Variants in JAG1 observed in about 807,000 individuals in gnomAD.
The protein encoded by JAG1 is protein jagged-1.
Under a neutral mutation model 148.7 loss-of-function variants are expected in JAG1, and 23 were observed. The ratio of observed to expected loss-of-function variants is 0.15; its 90% CI spans 0.11 to 0.22. JAG1 has a LOEUF of 0.22. Ranked by LOEUF, JAG1 falls within the 10% of genes least tolerant of loss-of-function variation. The pLI is 1.00. For synonymous variants in JAG1, 572 were observed against 598.3 expected, an observed-to-expected ratio of 0.96 and a Z score of 0.64; for missense variants, 1,054 against 1,611.2, an observed-to-expected ratio of 0.65 and a Z score of 5.92.
rs527749275 is a variant in JAG1, at chr20:10,673,658, G to C, written c.-128C>G. On this transcript the variant is annotated 5_prime_UTR_variant, in exon 1 of 26. Coordinates refer to ENST00000254958, the MANE Select transcript of JAG1 (RefSeq NM_000214.3). The surrounding 1 kb of genome is among the most constrained non-coding windows in gnomAD (Gnocchi z 4.7). The stretch of plus-strand genomic sequence containing the variant: ...CCGGCTCTAATATACTCCGCCGATT[G>C]GAGCATGCACGACTGGAAAACAACA... The C allele has an allele frequency of 6.5e-5, 21 of 325,220 alleles. No homozygotes were observed. The highest frequency in any genetic ancestry group is 4.4e-4 in the African/African-American group (20 of 45,564). 20.1% of individuals were successfully genotyped at this position (325,220 alleles called of 1,614,324 possible).
intron 2 of JAG1, among the ~76,000 whole-genome samples, chr20:10,668,778 C>A (rs1456491562): frequency 6.6e-6 from 1 of 151,998 alleles, no homozygotes; most frequent in Non-Finnish European, 1.5e-5. Context: ...TTGAGCAGCA[C>A]TTAGATTGCT....
Position 10,637,977 on chromosome 20 carries a change from G to C in JAG1, c.*1521C>G, listed in dbSNP as rs546900345. ...CTCAGAAGAGGCCACACTGTTCCAT[G>C]TTTTCATACAAAAAAATTTAATAAA... On this transcript the variant is annotated 3_prime_UTR_variant, in exon 26 of 26. Transcript: ENST00000254958. 2 of 152,608 alleles carry C rather than the reference G, an allele frequency of 1.3e-5. No homozygotes were observed. The highest frequency in any genetic ancestry group is 2.9e-5 in the Non-Finnish European group (2 of 68,036). 9.5% of individuals were successfully genotyped at this position (152,608 alleles called of 1,614,324 possible).
rs542746078 is a variant in JAG1, at chr20:10,645,783, C to T, written c.1999+188G>A. The T allele has an allele frequency of 1.6e-6, 1 of 637,264 alleles. No individual in the cohort carries two copies. The highest frequency in any genetic ancestry group is 2.8e-6 in the Non-Finnish European group (1 of 358,366). The allele number at this position is 637,264 out of a possible 1,614,324, so 39.5% of individuals were successfully genotyped here. A position where few individuals can be genotyped will look rare whatever the true frequency, so the allele number is the denominator to read the frequency against. On this transcript the variant is annotated intron_variant, in intron 15 of 25. Transcript: ENST00000254958. The surrounding 1 kb of genome is among the most constrained non-coding windows in gnomAD (Gnocchi z 6.1). Reference sequence around the variant, plus strand: ...ATTCTATAGGTCCTCAGCAGAAGCTCCTCCCCATAAGCTATCATCAGGACT... The same window carrying T: ...ATTCTATAGGTCCTCAGCAGAAGCTTCTCCCCATAAGCTATCATCAGGACT...
rs1219785546 is a variant in JAG1, at chr20:10,673,366, C to A, written c.81+84G>T. On this transcript the variant is annotated intron_variant, in intron 1 of 25. Transcript: ENST00000254958. This position sits in a 1 kb window ranked among gnomAD's most constrained non-coding sequence, Gnocchi z 4.7. ...AGTCGGGCGCTCGAGGGCTGCCGAGCCTGCTCGCGGGGCTCAACCGCCCAG... is the reference window on the plus strand; with the variant it reads ...AGTCGGGCGCTCGAGGGCTGCCGAGACTGCTCGCGGGGCTCAACCGCCCAG... 1.9e-6 allele frequency: 2 copies of A among 1,052,896 alleles called. No individual in the cohort carries two copies. The highest frequency in any genetic ancestry group is 2.7e-6 in the Non-Finnish European group (2 of 747,804). 65.2% of individuals were successfully genotyped at this position (1,052,896 alleles called of 1,614,324 possible).
chr20:10,649,433 C>T, intron 10 of JAG1, 89 bp downstream of exon 10: 1 of 821,856 alleles, frequency 1.2e-6, no homozygotes, highest in Non-Finnish European at 2.1e-6. Context: ...CCTTCTACTG[C>T]TCAAGTCCTA....
At chr20:10,649,244 C>A in intron 10 of JAG1, 137 bp from the exon 11 acceptor site, 2 of 701,204 alleles carry the variant, frequency 2.9e-6, no homozygotes, top group Non-Finnish European at 2.5e-6. Context: ...AAGGTTATTA[C>A]GCTGGGTGGG....
At chr20:10,649,187 G>T in intron 10 of JAG1, 80 bp from the exon 11 acceptor site, 1 of 944,854 alleles carries the variant, frequency 1.1e-6, no homozygotes, top group Non-Finnish European at 1.7e-6. Flanking sequence ...TCTCAGCTCA[G>T]GATAGATAAG....
intron 2 of JAG1, among the ~76,000 whole-genome samples, chr20:10,671,213 G>T (rs1600195467): frequency 6.6e-6 from 1 of 152,200 alleles, no homozygotes; most frequent in East Asian, 1.9e-4. Flanking sequence ...GGGCCAGCCA[G>T]ATTTAAACGC....
In JAG1 at chr20:10,672,905, C is replaced by G; in HGVS notation, c.183G>C (p.Pro61=). The change falls in exon 2 of 26, where the codon CCG becomes CCC. Residue 61 remains proline, a synonymous_variant. Transcript: ENST00000254958. ...CGTCGCGGGTGCACTTGCGGTCTCC[C>G]GGGTTCCGGGCGCCGCCGCAGCAGT... ...NGNCCGGARN[P]GDRKCTRDEC... 6.2e-7 allele frequency: 1 copy of G among 1,613,184 alleles called. No homozygotes were observed. The highest frequency in any genetic ancestry group is 8.5e-7 in the Non-Finnish European group (1 of 1,180,030).
chr20:10,641,438 A>AC, intron 23 of JAG1, 22 bp downstream of exon 23: 1 of 1,607,362 alleles, frequency 6.2e-7, no homozygotes, highest in Non-Finnish European at 8.5e-7. Flanking sequence ...CATTCAAAAA[A>AC]AAAACAAAGG....
intron 8 of JAG1, 84 bp from the exon 9 acceptor site, chr20:10,650,444 G>A (rs1016872624): frequency 1.3e-6 from 1 of 796,878 alleles, no homozygotes; most frequent in South Asian, 1.4e-5. Flanking sequence ...TCTTACATGA[G>A]GGGCTGTCAT....
At chr20:10,657,615 TATC>T (rs2067387299) in intron 4 of JAG1, among the ~76,000 whole-genome samples, 1 of 152,174 alleles carries the variant, frequency 6.6e-6, no homozygotes, top group African/African-American at 2.4e-5. Flanking sequence ...TTTACCTAAT[TATC>T]ATGTAAAATA....
At position 10,641,789 on chromosome 20, in the gene JAG1, G is replaced by A. The variant is rs2067274040; in HGVS notation, c.2676C>T (p.Cys892=). 6.2e-7 allele frequency: 1 copy of A among 1,613,452 alleles called. No individual in the cohort carries two copies. The highest frequency in any genetic ancestry group is 8.5e-7 in the Non-Finnish European group (1 of 1,179,342). ...GGCAGCCATCATGTCCTACCTTTGA[G>A]CAGGCGATCCGTCCATTCAGGCACT... ...TCQCLNGRIA[C]SKVWCGPRPC... is the part of the protein sequence containing the mutation. Residue 892 remains cysteine (C), a synonymous_variant, in exon 22 of 26, where the codon TGC becomes TGT. Coordinates refer to ENST00000254958, the MANE Select transcript of JAG1 (RefSeq NM_000214.3).
chr20:10,667,639 A>G (rs2067463854), intron 2 of JAG1, among the ~76,000 whole-genome samples: 1 of 152,146 alleles, frequency 6.6e-6, no homozygotes, highest in Non-Finnish European at 1.5e-5. Context: ...AAAGCAATCA[A>G]GTCTGTAGGG....
chr20:10,656,008 A>C (rs2067376430), intron 5 of JAG1, among the ~76,000 whole-genome samples: 7 of 152,182 alleles, frequency 4.6e-5, no homozygotes, highest in Admixed American at 4.6e-4. Flanking sequence ...TCGCCTATTG[A>C]TGGGAAAAGT....
intron 25 of JAG1, 136 bp downstream of exon 25, chr20:10,640,647 C>T (rs2067264279): frequency 9.0e-6 from 8 of 891,262 alleles, no homozygotes. Context: ...GTAGGCTGCC[C>T]TCAGTTCTCA....
rs527368598 is a variant in JAG1 at position 10,652,324 on chromosome 20, C to T, written c.887-74G>A. On this transcript the variant is annotated intron_variant, in intron 6 of 25. Coordinates refer to ENST00000254958, the MANE Select transcript of JAG1 (RefSeq NM_000214.3). ...AACCCACCATGTTTCTAGCCCCAGT[C>T]GTCTTTTAAAAAGAAAAACCAGAAA... 1.3e-3 allele frequency: 2,031 copies of T among 1,602,832 alleles called. 3 individuals carry two copies. The highest frequency in any genetic ancestry group is 1.6e-3 in the Non-Finnish European group (1,893 of 1,173,074).
In JAG1 at chr20:10,669,707, G is replaced by A. The variant is rs147453115; in HGVS notation, c.387+2994C>T. Among the ~76,000 whole-genome samples, 971 of 151,978 alleles carry A rather than the reference G, an allele frequency of 6.4e-3. 12 individuals carry two copies. Among genetic ancestry groups the A allele is most frequent in the African/African-American group, 0.022 (912 of 41,416 alleles). On this transcript the variant is annotated intron_variant, in intron 2 of 25. Coordinates refer to ENST00000254958, the MANE Select transcript of JAG1 (RefSeq NM_000214.3). ...AGATTCATTTCACTCTGGGGCCACC[G>A]ATGCAGCAATACAGCTAACTGGGGT...
Position 10,645,527 on chromosome 20 carries a change from G to A in JAG1, c.2000-58C>T, listed in dbSNP as rs2067303056. 3.6e-6 allele frequency: 5 copies of A among 1,392,866 alleles called. No homozygotes were observed. The highest frequency in any genetic ancestry group is 1.2e-5 in the South Asian group (1 of 86,710). The allele number at this position is 1,392,866 out of a possible 1,614,324, so 86.3% of individuals were successfully genotyped here. The stretch of plus-strand genomic sequence containing the variant: ...CGAGATCCAGGACCATTCACGACAG[G>A]CGAGAGCCAAGCCTTTCCTACTGCT... On this transcript the variant is annotated intron_variant, in intron 15 of 25. Coordinates refer to ENST00000254958, the MANE Select transcript of JAG1 (RefSeq NM_000214.3). The surrounding 1 kb of genome is among the most constrained non-coding windows in gnomAD (Gnocchi z 6.1).
Sources: allele counts gnomAD v4.1 joint callset (sites outside exome capture counted in the v4.1 genomes callset), GRCh38; gene constraint gnomAD v4.1.1; non-coding constraint Gnocchi (gnomAD v3.1); transcripts MANE v1.5; gene names NCBI Gene and HGNC (gene_info 2026-07-23, HGNC 2026-07-21).